The following ATAD2B variants were observed in gnomAD, a reference collection of about 807,000 sequenced individuals.
ATAD2B encodes ATPase family AAA domain containing 2B, also known as ATPase family AAA domain-containing protein 2B.
ATAD2B carries 40 observed loss-of-function variants against 167.6 expected under a neutral mutation model. The ratio of observed to expected loss-of-function variants is 0.24; its 90% CI spans 0.19 to 0.31. The LOEUF (loss-of-function observed/expected upper bound fraction) is 0.31, where lower values mean the gene tolerates loss of function less well. Ranked by LOEUF, ATAD2B falls within the 10% of genes least tolerant of loss-of-function variation. The pLI is 1.00. For missense variants in ATAD2B, 1,242 were observed against 1,757.2 expected (o/e 0.71, Z 5.24); for synonymous variants, 579 against 596.5 (o/e 0.97, Z 0.43).
chr2:23,691,415 CTTT>C, the ATAD2B span: 1 of 544,900 alleles, frequency 1.8e-6, no homozygotes, highest in Non-Finnish European at 3.3e-6. Context: ...ATAGCTCATG[CTTT>C]TTGATTTGCA....
chr2:23,797,758 G>C (rs930171172), intron 19 of ATAD2B, among the ~76,000 whole-genome samples: 2 of 152,026 alleles, frequency 1.3e-5, no homozygotes, highest in East Asian at 3.9e-4. Context: ...TAATAATTTT[G>C]TGCAAGAAAC....
At chr2:23,827,590 G>C (rs956489480) in intron 15 of ATAD2B, among the ~76,000 whole-genome samples, 2 of 152,136 alleles carry the variant, frequency 1.3e-5, no homozygotes, top group African/African-American at 4.8e-5. Flanking sequence ...CTGAACTCTA[G>C]TAAAATATCA....
At chr2:23,859,813 C>CG (rs201335939) in intron 12 of ATAD2B, among the ~76,000 whole-genome samples, 8,422 of 150,152 alleles carry the variant, frequency 0.056, 258 homozygotes, top group Middle Eastern at 0.096. Context: ...CCACGCGTGG[C>CG]GGGGGGGGCA....
chr2:23,881,285 A>C (rs1051731063), intron 6 of ATAD2B, among the ~76,000 whole-genome samples: 1 of 152,032 alleles, frequency 6.6e-6, no homozygotes, highest in Non-Finnish European at 1.5e-5. Context: ...AAGTGCACAT[A>C]AGCATTGAGA....
At chr2:23,881,262 C>T (rs1417571643) in intron 6 of ATAD2B, among the ~76,000 whole-genome samples, 2 of 151,416 alleles carry the variant, frequency 1.3e-5, no homozygotes, top group Admixed American at 6.6e-5. Context: ...GGATTAGTTA[C>T]ATTTTGGTAG....
In ATAD2B at chr2:23,752,201, C is replaced by T. The variant is rs979162000; in HGVS notation, c.4336-114G>A. On this transcript the variant is annotated intron_variant, in intron 27 of 27. Transcript: ENST00000238789. ...GAATGAATTTGAGATACAGGTTAAA[C>T]TTTGAATATTTTCCTGATTATAATA... 5.3e-6 allele frequency: 4 copies of T among 752,516 alleles called. No individual in the cohort carries two copies. The African/African-American group carries it at 7.1e-5, about 13-fold the overall frequency. The allele number at this position is 752,516 out of a possible 1,614,324, so 46.6% of individuals were successfully genotyped here.
At chr2:23,815,343 C>T (rs1482002320) in intron 17 of ATAD2B, among the ~76,000 whole-genome samples, 2 of 152,122 alleles carry the variant, frequency 1.3e-5, no homozygotes, top group African/African-American at 4.8e-5. Context: ...ATCAGAAAGA[C>T]TTGGTCATTG....
chr2:23,855,480 T>C (rs1319176631), intron 13 of ATAD2B, among the ~76,000 whole-genome samples: 2 of 152,148 alleles, frequency 1.3e-5, no homozygotes, highest in Non-Finnish European at 2.9e-5. Flanking sequence ...ACTCAAATTA[T>C]CATACGTTAT....
intron 18 of ATAD2B, among the ~76,000 whole-genome samples, chr2:23,802,075 T>C (rs910519266): frequency 7.9e-5 from 12 of 151,960 alleles, no homozygotes; most frequent in Non-Finnish European, 1.5e-4. Flanking sequence ...GAGGGCAATA[T>C]AGAAAAGAGG....
chr2:23,867,772 T>C, intron 10 of ATAD2B, 63 bp downstream of exon 10: 2 of 1,192,566 alleles, frequency 1.7e-6, no homozygotes, highest in East Asian at 2.3e-5. Context: ...TGTGCTGCTT[T>C]AGAAACAAGA....
In ATAD2B at chr2:23,841,805, T is replaced by C. The variant is rs192795400; in HGVS notation, c.1569-7727A>G. Among the ~76,000 whole-genome samples, 36 of 152,322 alleles carry C rather than the reference T, an allele frequency of 2.4e-4. No individual in the cohort carries two copies. The East Asian group carries it at 6.7e-3, about 29-fold the overall frequency. On this transcript the variant is annotated intron_variant, in intron 13 of 27. Coordinates refer to ENST00000238789, the MANE Select transcript of ATAD2B (RefSeq NM_017552.4). ...TGCTGGAATTACAAGCGTGAGCCAC[T>C]ACACTCATCCAGAAATTCATTCCTT... is the stretch of plus-strand genomic sequence containing the variant.
At chr2:23,779,356 T>C (rs1679655777) in intron 22 of ATAD2B, among the ~76,000 whole-genome samples, 1 of 151,808 alleles carries the variant, frequency 6.6e-6, no homozygotes, top group African/African-American at 2.4e-5. Flanking sequence ...TTTGTATTTT[T>C]AGTAGAGACA....
chr2:23,680,260 G>A, the ATAD2B span, among the ~76,000 whole-genome samples: 1 of 152,128 alleles, frequency 6.6e-6, no homozygotes, highest in Admixed American at 6.5e-5. The surrounding 1 kb of genome is among the most constrained non-coding windows in gnomAD (Gnocchi z 4.1). Context: ...TGAGGGAGGG[G>A]AGGAGTCTGG....
the ATAD2B span, among the ~76,000 whole-genome samples, chr2:23,709,114 TCAC>T: frequency 6.6e-6 from 1 of 152,152 alleles, no homozygotes; most frequent in Non-Finnish European, 1.5e-5. Context: ...GATCTCAGGC[TCAC>T]CACAACCTCC....
At chr2:23,768,226 T>A (rs931578226) in intron 22 of ATAD2B, among the ~76,000 whole-genome samples, 2 of 152,142 alleles carry the variant, frequency 1.3e-5, no homozygotes, top group Admixed American at 1.3e-4. Context: ...ATCCATAACA[T>A]TACCACAACA....
the ATAD2B span, among the ~76,000 whole-genome samples, chr2:23,740,367 T>C: frequency 2.6e-5 from 4 of 152,066 alleles, no homozygotes; most frequent in Non-Finnish European, 5.9e-5. Flanking sequence ...TCAAGTGGGC[T>C]TCATCCCTGG....
chr2:23,780,489 G>T (rs370501490), intron 22 of ATAD2B, among the ~76,000 whole-genome samples: 18 of 152,090 alleles, frequency 1.2e-4, no homozygotes, highest in South Asian at 4.1e-4. Flanking sequence ...TAGAATCTGT[G>T]ATTTATTATG....
At chr2:23,833,845 T>C in intron 14 of ATAD2B, 74 bp downstream of exon 14, 11 of 1,150,746 alleles carry the variant, frequency 9.6e-6, no homozygotes, top group African/African-American at 1.6e-5. Context: ...ATTCATAAAA[T>C]ATCACCCTCA....
chr2:23,837,920 G>A (rs1414638174), intron 13 of ATAD2B, among the ~76,000 whole-genome samples: 1 of 152,162 alleles, frequency 6.6e-6, no homozygotes, highest in Non-Finnish European at 1.5e-5. Context: ...GAATATAAGT[G>A]TTTCATGCCT....
Sources: gnomAD v4.1 joint callset for allele counts (sites outside exome capture counted in the v4.1 genomes callset) on GRCh38, gnomAD v4.1.1 for gene constraint, Gnocchi (gnomAD v3.1) non-coding constraint, MANE v1.5 for transcripts, NCBI Gene and HGNC (gene_info 2026-07-23, HGNC 2026-07-21) for gene names.